Variants in PRMT8 observed in about 807,000 individuals in gnomAD.
The protein encoded by PRMT8 is protein arginine methyltransferase 8, also known as protein arginine N-methyltransferase 8.
PRMT8 carries 7 observed loss-of-function variants against 47.1 expected under a neutral mutation model. That is an observed-to-expected ratio of 0.15 (90% CI 0.08 to 0.28). The LOEUF is 0.28. PRMT8 is among the 10% of genes least tolerant of loss of function. PRMT8 has a pLI of 1.00. For missense variants in PRMT8, 237 were observed against 505.4 expected (o/e 0.47, Z 5.09); for synonymous variants, 188 against 186.5 (o/e 1.01, Z -0.07).
intron 1 of PRMT8, among the ~76,000 whole-genome samples, chr12:3,441,143 T>C (rs970548009): frequency 3.9e-5 from 6 of 152,224 alleles, no homozygotes; most frequent in Non-Finnish European, 8.8e-5. Flanking sequence ...ATGCAAATTC[T>C]ACCACATTGC....
At chr12:3,496,214 A>ATATTT in intron 1 of PRMT8, among the ~76,000 whole-genome samples, 7 of 27,776 alleles carry the variant, frequency 2.5e-4, no homozygotes, top group South Asian at 2.6e-3. Context: ...ATATATATAT[A>ATATTT]TTTTTTTTTT....
rs1466244100 is a variant in PRMT8, at chr12:3,569,894, G to A, written c.712+330G>A. The stretch of plus-strand genomic sequence containing the variant: ...CAGCAGGGCAAGTGGCTTGAAACCT[G>A]TCAAGGTTCAGTTAGCCCAAAAGTC... On this transcript the variant is annotated intron_variant, in intron 6 of 9. Transcript: ENST00000382622. This position sits in a 1 kb window ranked among gnomAD's most constrained non-coding sequence, Gnocchi z 8.2. Among the ~76,000 whole-genome samples, 3 of 152,222 alleles carry A rather than the reference G, an allele frequency of 2.0e-5. No individual in the cohort carries two copies. The highest frequency in any genetic ancestry group is 1.9e-4 in the East Asian group (1 of 5,200).
At chr12:3,463,621 T>C (rs1865061536) in intron 1 of PRMT8, 1 of 152,216 alleles carries the variant, frequency 6.6e-6, no homozygotes, top group Non-Finnish European at 1.5e-5. Context: ...AGAGATAGGC[T>C]CTTGCTCTGT....
At chr12:3,509,431 C>T (rs1865677558) in intron 1 of PRMT8, among the ~76,000 whole-genome samples, 1 of 152,230 alleles carries the variant, frequency 6.6e-6, no homozygotes, top group South Asian at 2.1e-4. Flanking sequence ...CCAGTTCCTG[C>T]TGTCTCAGCG....
intron 1 of PRMT8, among the ~76,000 whole-genome samples, chr12:3,518,173 G>A (rs2137137800): frequency 6.6e-6 from 1 of 152,262 alleles, no homozygotes. Context: ...GAAAGTCGGA[G>A]GAAGAGGAAT....
At chr12:3,421,946 C>T (rs1031636563) in intron 1 of PRMT8, among the ~76,000 whole-genome samples, 1 of 152,180 alleles carries the variant, frequency 6.6e-6, no homozygotes, top group Non-Finnish European at 1.5e-5. Context: ...GGGTGGGCTC[C>T]AGCTCTGGGC....
At chr12:3,459,517 T>C (rs1417936218) in intron 1 of PRMT8, among the ~76,000 whole-genome samples, 1 of 152,198 alleles carries the variant, frequency 6.6e-6, no homozygotes, top group Non-Finnish European at 1.5e-5. Context: ...CATGATTTTT[T>C]CTCTTACACC....
Position 3,570,146 on chromosome 12 carries a change from G to A in PRMT8, c.712+582G>A, listed in dbSNP as rs550382762. 4.6e-5 allele frequency among the ~76,000 whole-genome samples: 7 copies of A among 152,192 alleles called. No homozygotes were observed. Among genetic ancestry groups the A allele is most frequent in the East Asian group, 1.9e-4 (1 of 5,172 alleles). On this transcript the variant is annotated intron_variant, in intron 6 of 9. Transcript: ENST00000382622. This position sits in a 1 kb window ranked among gnomAD's most constrained non-coding sequence, Gnocchi z 5.5. The stretch of plus-strand genomic sequence containing the variant: ...GCATGTGTGCATGAGGCAGGGGCTC[G>A]TATCTAAACATGTATTCTTAATGCC...
rs2137242948 is a variant in PRMT8 at position 3,593,784 on chromosome 12, T to A, written c.*602T>A. ...GAATATATATTACTCTCAGAGGAGA[T>A]TCTGTTGCTTTTGAATAGGAATTTG... On this transcript the variant is annotated 3_prime_UTR_variant, in exon 10 of 10. Transcript: ENST00000382622. This position sits in a 1 kb window ranked among gnomAD's most constrained non-coding sequence, Gnocchi z 4.8. 1 of 152,916 alleles carries A rather than the reference T, an allele frequency of 6.5e-6. No individual in the cohort carries two copies. The highest frequency in any genetic ancestry group is 1.9e-4 in the East Asian group (1 of 5,160). The allele number at this position is 152,916 out of a possible 1,614,324, so 9.5% of individuals were successfully genotyped here.
At chr12:3,553,437 G>A (rs1273282797) in intron 3 of PRMT8, 1 of 605,456 alleles carries the variant, frequency 1.7e-6, no homozygotes. Flanking sequence ...CTAGACATCA[G>A]TCTTTTCGCA....
chr12:3,490,765 G>C, upstream of PRMT8, among the ~76,000 whole-genome samples: 1 of 149,086 alleles, frequency 6.7e-6, no homozygotes, highest in Non-Finnish European at 1.5e-5. Context: ...AGTTGAAGGA[G>C]TTAAGGACCC....
At chr12:3,577,083 T>A in intron 7 of PRMT8, 97 bp downstream of exon 7, 1 of 1,037,166 alleles carries the variant, frequency 9.6e-7, no homozygotes, top group Non-Finnish European at 1.5e-6. Flanking sequence ...AGCCCCCACC[T>A]GGTGAGGCAA....
At chr12:3,482,945 G>C (rs1444820826) in intron 1 of PRMT8, among the ~76,000 whole-genome samples, 2 of 152,160 alleles carry the variant, frequency 1.3e-5, no homozygotes, top group African/African-American at 4.8e-5. Context: ...TTAACTGTCA[G>C]AGCCTGGATT....
At chr12:3,440,231 C>T (rs1030541538) in intron 1 of PRMT8, among the ~76,000 whole-genome samples, 2 of 152,180 alleles carry the variant, frequency 1.3e-5, no homozygotes, top group Admixed American at 1.3e-4. Context: ...GAGGTTGAGG[C>T]GGGTGGATCA....
chr12:3,577,417 C>T (rs1468952747), intron 7 of PRMT8, among the ~76,000 whole-genome samples: 1 of 152,156 alleles, frequency 6.6e-6, no homozygotes, highest in Non-Finnish European at 1.5e-5. Flanking sequence ...ACACCTTTGC[C>T]CCAGCGGCCT....
intron 1 of PRMT8, among the ~76,000 whole-genome samples, chr12:3,495,893 G>A (rs1017367266): frequency 2.0e-5 from 3 of 152,106 alleles, no homozygotes; most frequent in Non-Finnish European, 4.4e-5. Context: ...TCAAGGTGCT[G>A]AAGCCAGTCA....
chr12:3,547,296 AG>A (rs1255846710), intron 2 of PRMT8, among the ~76,000 whole-genome samples: 1 of 152,240 alleles, frequency 6.6e-6, no homozygotes, highest in African/African-American at 2.4e-5. Flanking sequence ...ATAGGAAAAA[AG>A]AAGTAAAATT....
chr12:3,451,827 A>G (rs1157491183), intron 1 of PRMT8, among the ~76,000 whole-genome samples: 3 of 152,216 alleles, frequency 2.0e-5, no homozygotes, highest in African/African-American at 7.2e-5. Context: ...TGACGTTGCT[A>G]ATTTCCTTGA....
intron 1 of PRMT8, among the ~76,000 whole-genome samples, chr12:3,457,455 C>T (rs1157300789): frequency 6.6e-6 from 1 of 151,984 alleles, no homozygotes; most frequent in Non-Finnish European, 1.5e-5. Context: ...GCTACAGGTG[C>T]ATGCGCCACC....
Sources: gnomAD v4.1 joint callset for allele counts (sites outside exome capture counted in the v4.1 genomes callset) on GRCh38, gnomAD v4.1.1 for gene constraint, Gnocchi (gnomAD v3.1) non-coding constraint, MANE v1.5 for transcripts, NCBI Gene and HGNC (gene_info 2026-07-23, HGNC 2026-07-21) for gene names.